Variants in CAMK2D observed in about 807,000 individuals in gnomAD.
CAMK2D encodes the protein calcium/calmodulin-dependent protein kinase type II subunit delta.
A neutral mutation model predicts 84.0 loss-of-function variants in CAMK2D; 37 were observed. The ratio of observed to expected loss-of-function variants is 0.44; its 90% CI spans 0.34 to 0.58. CAMK2D has a LOEUF of 0.58. Ranked by LOEUF, CAMK2D falls within the 20% of genes least tolerant of loss-of-function variation. The pLI, the probability that CAMK2D is intolerant of heterozygous loss-of-function variation, is 0.02. For synonymous variants in CAMK2D, 202 were observed against 212.5 expected, an observed-to-expected ratio of 0.95 and a Z score of 0.43; for missense variants, 448 against 652.5, an observed-to-expected ratio of 0.69 and a Z score of 3.41.
chr4:113,752,723 C>T (rs2099620142), intron 2 of CAMK2D, among the ~76,000 whole-genome samples: 1 of 152,096 alleles, frequency 6.6e-6, no homozygotes, highest in Non-Finnish European at 1.5e-5. Flanking sequence ...TACTGAACTC[C>T]TCTTTAACCA....
At chr4:113,594,093 C>T (rs895865220) in intron 4 of CAMK2D, among the ~76,000 whole-genome samples, 7 of 152,092 alleles carry the variant, frequency 4.6e-5, no homozygotes, top group Admixed American at 2.0e-4. Context: ...GAAAGCAAAG[C>T]AGCAACAGGC....
intron 2 of CAMK2D, among the ~76,000 whole-genome samples, chr4:113,671,854 T>C (rs1293863299): frequency 9.9e-5 from 15 of 152,246 alleles, no homozygotes; most frequent in Admixed American, 9.8e-4. Flanking sequence ...TTGTTATTTT[T>C]CTGGAATTTG....
chr4:113,475,398 AT>A (rs953378524), intron 16 of CAMK2D, among the ~76,000 whole-genome samples: 12 of 152,184 alleles, frequency 7.9e-5, no homozygotes, highest in Non-Finnish European at 1.3e-4. Context: ...CCTTGAATTT[AT>A]TTTTTGAGAA....
chr4:113,504,287 G>T (rs2098097006), intron 14 of CAMK2D, among the ~76,000 whole-genome samples: 1 of 152,188 alleles, frequency 6.6e-6, no homozygotes, highest in Non-Finnish European at 1.5e-5. Context: ...ATCTCAAAGT[G>T]TTAGACTAAT....
At position 113,552,860 on chromosome 4, in the gene CAMK2D, C is replaced by T. The variant is rs143835215; in HGVS notation, c.276-764G>A. On this transcript the variant is annotated intron_variant, in intron 4 of 20. Coordinates refer to ENST00000511664, the MANE Select transcript of CAMK2D (RefSeq NM_001321571.2). ...GGCAAATCACCTTCCAAAATGGTTG[C>T]ACCCTGAAAATTGTGAAGGTGCTCA... Among the ~76,000 whole-genome samples the T allele has an allele frequency of 4.3e-3, 653 of 152,250 alleles. 4 individuals are homozygous for T. Among genetic ancestry groups the T allele is most frequent in the African/African-American group, 0.015 (632 of 41,550 alleles).
chr4:113,552,350 C>T (rs542685780), intron 4 of CAMK2D, among the ~76,000 whole-genome samples: 21 of 152,252 alleles, frequency 1.4e-4, no homozygotes, highest in East Asian at 7.7e-4. Flanking sequence ...CAATATCTTT[C>T]GCAGAAAATG....
chr4:113,573,360 C>T (rs1051575378), intron 4 of CAMK2D, among the ~76,000 whole-genome samples: 1 of 152,162 alleles, frequency 6.6e-6, no homozygotes, highest in African/African-American at 2.4e-5. Flanking sequence ...TCAGAAGCTA[C>T]AATTATGTTT....
chr4:113,513,675 G>A (rs2098248063), intron 11 of CAMK2D, among the ~76,000 whole-genome samples, 155 bp downstream of exon 11: 1 of 152,098 alleles, frequency 6.6e-6, no homozygotes, highest in South Asian at 2.1e-4. Context: ...TTTGATTCTG[G>A]TGTATATTCC....
chr4:113,594,331 C>T (rs373252799), intron 4 of CAMK2D, among the ~76,000 whole-genome samples: 1 of 152,164 alleles, frequency 6.6e-6, no homozygotes, highest in East Asian at 1.9e-4. Context: ...GACACAGATC[C>T]AAACCATATC....
chr4:113,653,069 A>T (rs1381760111), intron 3 of CAMK2D, among the ~76,000 whole-genome samples: 1 of 152,116 alleles, frequency 6.6e-6, no homozygotes, highest in Admixed American at 6.6e-5. Context: ...TTTATATTCA[A>T]ATTTTGTCTT....
chr4:113,754,298 C>A (rs1051878797), intron 2 of CAMK2D: 2 of 976,990 alleles, frequency 2.0e-6, no homozygotes, highest in Non-Finnish European at 2.4e-6. Flanking sequence ...CAATCCAGCC[C>A]TAGAAATACT....
intron 2 of CAMK2D, among the ~76,000 whole-genome samples, chr4:113,752,911 A>G (rs770488974): frequency 3.3e-5 from 5 of 152,124 alleles, no homozygotes; most frequent in Non-Finnish European, 5.9e-5. Context: ...AATCCCCCAC[A>G]CTGCAATGGG....
chr4:113,748,873 T>A (rs2099610750), intron 2 of CAMK2D, among the ~76,000 whole-genome samples: 1 of 151,936 alleles, frequency 6.6e-6, no homozygotes, highest in Non-Finnish European at 1.5e-5. Flanking sequence ...AATGTATTTA[T>A]ACAAAACTGT....
At chr4:113,551,898 T>C in intron 5 of CAMK2D, 133 bp downstream of exon 5, 1 of 444,684 alleles carries the variant, frequency 2.2e-6, no homozygotes, top group Non-Finnish European at 4.1e-6. Context: ...TTCATGGAGT[T>C]TTTTTTCTCT....
chr4:113,709,782 T>TATATATATATATATATATATAA (rs1561971636), intron 2 of CAMK2D, among the ~76,000 whole-genome samples: 4 of 127,268 alleles, frequency 3.1e-5, no homozygotes, highest in African/African-American at 6.1e-5. Flanking sequence ...TATATATATA[T>TATATATATATATATATATATAA]GAGAGACTTC....
At chr4:113,572,375 T>C (rs2098757638) in intron 4 of CAMK2D, among the ~76,000 whole-genome samples, 1 of 151,900 alleles carries the variant, frequency 6.6e-6, no homozygotes, top group African/African-American at 2.4e-5. Flanking sequence ...CCTAATCTCA[T>C]ACACAGGAAA....
chr4:113,716,416 A>G (rs1296052909), intron 2 of CAMK2D, among the ~76,000 whole-genome samples: 2 of 152,094 alleles, frequency 1.3e-5, no homozygotes, highest in Non-Finnish European at 2.9e-5. Context: ...TTGGGAGGCC[A>G]AGGCGAGTGG....
At chr4:113,489,242 A>G (rs1017617664) in intron 16 of CAMK2D, among the ~76,000 whole-genome samples, 3 of 148,196 alleles carry the variant, frequency 2.0e-5, no homozygotes, top group African/African-American at 7.5e-5. Flanking sequence ...GCACCCACTA[A>G]CTCGTCATCT....
intron 3 of CAMK2D, among the ~76,000 whole-genome samples, chr4:113,630,077 C>T (rs979309926): frequency 6.6e-6 from 1 of 152,124 alleles, no homozygotes; most frequent in African/African-American, 2.4e-5. Flanking sequence ...CTATTCACAT[C>T]TAATTCAAAT....
Sources: gnomAD v4.1 joint callset for allele counts (sites outside exome capture counted in the v4.1 genomes callset) on GRCh38, gnomAD v4.1.1 for gene constraint, MANE v1.5 for transcripts, NCBI Gene and HGNC (gene_info 2026-07-23, HGNC 2026-07-21) for gene names.